Variants in LARGE1 observed in about 807,000 individuals in gnomAD.
The protein encoded by LARGE1 is LARGE xylosyl- and glucuronyltransferase 1, also known as xylosyl- and glucuronyltransferase LARGE1.
Under a neutral mutation model 87.6 loss-of-function variants are expected in LARGE1, and 43 were observed. The ratio of observed to expected loss-of-function variants is 0.49; its 90% CI spans 0.38 to 0.63. The LOEUF is 0.63. LARGE1 is among the 30% of genes least tolerant of loss of function. LARGE1 has a pLI of 0.00. For synonymous variants in LARGE1, 434 were observed against 394.6 expected (o/e 1.10, Z -1.18); for missense variants, 802 against 1,000.2 (o/e 0.80, Z 2.67).
chr22:33,224,288 GA>G (rs145839522), intron 11 of LARGE1, among the ~76,000 whole-genome samples: 14 of 150,700 alleles, frequency 9.3e-5, no homozygotes, highest in African/African-American at 2.4e-4. Context: ...AAAGAAAAAA[GA>G]AAAAAAAAGA....
intron 2 of LARGE1, chr22:33,704,880 C>T (rs944609570): frequency 6.6e-6 from 1 of 152,244 alleles, no homozygotes; most frequent in Non-Finnish European, 1.5e-5. Flanking sequence ...TGCTAGACCC[C>T]TGAGGCCACA....
At chr22:33,707,823 G>A (rs1185679147) in intron 2 of LARGE1, among the ~76,000 whole-genome samples, 1 of 152,150 alleles carries the variant, frequency 6.6e-6, no homozygotes, top group African/African-American at 2.4e-5. Context: ...CACTGTGAGG[G>A]CCCTGGGGGC....
intron 5 of LARGE1, among the ~76,000 whole-genome samples, chr22:33,575,818 T>G (rs1204309449): frequency 2.0e-5 from 3 of 152,130 alleles, no homozygotes; most frequent in Non-Finnish European, 4.4e-5. Context: ...GACACGTCCC[T>G]CCTCCTATCG....
intron 6 of LARGE1, among the ~76,000 whole-genome samples, chr22:33,561,938 C>T (rs140741636): frequency 4.2e-3 from 644 of 152,320 alleles, no homozygotes; most frequent in Non-Finnish European, 6.8e-3. Flanking sequence ...CACAGCGCCA[C>T]AAAGGAATCA....
chr22:33,223,925 G>T (rs1925583582), intron 11 of LARGE1, among the ~76,000 whole-genome samples: 1 of 152,154 alleles, frequency 6.6e-6, no homozygotes. Flanking sequence ...CCCACCATTG[G>T]TCGGCATCCT....
chr22:33,766,731 T>C (rs2084912117), intron 1 of LARGE1, among the ~76,000 whole-genome samples: 1 of 151,802 alleles, frequency 6.6e-6, no homozygotes, highest in Non-Finnish European at 1.5e-5. Flanking sequence ...GGCTGATCTG[T>C]TAAGCTACAA....
chr22:33,285,259 C>T (rs1215757626), intron 12 of LARGE1, among the ~76,000 whole-genome samples: 2 of 152,076 alleles, frequency 1.3e-5, no homozygotes, highest in Non-Finnish European at 2.9e-5. Flanking sequence ...AGCAGCCTTT[C>T]CTGGGGAAAA....
intron 1 of LARGE1, among the ~76,000 whole-genome samples, chr22:33,801,370 T>A (rs950769574): frequency 1.3e-5 from 2 of 152,210 alleles, no homozygotes. Flanking sequence ...CTCACCAGCA[T>A]CTGATATTGT....
chr22:33,749,763 A>G (rs186666949), intron 2 of LARGE1, among the ~76,000 whole-genome samples: 2 of 152,180 alleles, frequency 1.3e-5, no homozygotes, highest in African/African-American at 4.8e-5. Flanking sequence ...AGAAGTTCGC[A>G]TGTCTTCTCT....
chr22:33,586,256 C>T (rs186028462), intron 5 of LARGE1, among the ~76,000 whole-genome samples: 12 of 152,270 alleles, frequency 7.9e-5, no homozygotes, highest in Admixed American at 5.2e-4. Context: ...AAAGGGTAGG[C>T]GCTCGCATGC....
rs144838580 is a variant in LARGE1 at position 33,250,478 on chromosome 22, A to C, written c.1730+53751T>G. Among the ~76,000 whole-genome samples, 7 of 152,212 alleles carry C rather than the reference A, an allele frequency of 4.6e-5. No homozygotes were observed. In the East Asian group the frequency reaches 1.4e-3, roughly 29 times the overall value. On this transcript the variant is annotated intron_variant, in intron 11 of 11. Transcript: ENST00000608642. ...GTCATCTGTGAACAAAAACAATTTTATTTCTTCTTTCTCAATATGTGTACT... is the reference window on the plus strand; with the variant it reads ...GTCATCTGTGAACAAAAACAATTTTCTTTCTTCTTTCTCAATATGTGTACT...
At chr22:33,208,598 G>A (rs1345662213) in intron 11 of LARGE1, among the ~76,000 whole-genome samples, 1 of 151,184 alleles carries the variant, frequency 6.6e-6, no homozygotes, top group African/African-American at 2.4e-5. Flanking sequence ...TATACTTTAA[G>A]TTCTGGGGTA....
intron 6 of LARGE1, among the ~76,000 whole-genome samples, chr22:33,503,114 T>C (rs768536699): frequency 1.3e-5 from 2 of 152,166 alleles, no homozygotes; most frequent in Non-Finnish European, 2.9e-5. Flanking sequence ...GTTGCTGAAC[T>C]AGAATAAAAG....
At chr22:33,697,495 G>C (rs986891056) in intron 2 of LARGE1, among the ~76,000 whole-genome samples, 1 of 119,408 alleles carries the variant, frequency 8.4e-6, no homozygotes, top group African/African-American at 3.3e-5. Context: ...AGGAGATTGA[G>C]ACCATCCTGA....
At chr22:33,486,363 T>C (rs1177455949) in intron 6 of LARGE1, among the ~76,000 whole-genome samples, 1 of 152,216 alleles carries the variant, frequency 6.6e-6, no homozygotes, top group Non-Finnish European at 1.5e-5. Flanking sequence ...CTCCTTCCAC[T>C]GGTGCAGGAC....
intron 3 of LARGE1, among the ~76,000 whole-genome samples, chr22:33,637,254 C>T (rs574534776): frequency 6.6e-6 from 1 of 152,152 alleles, no homozygotes; most frequent in Admixed American, 6.5e-5. Context: ...GAGGCAAGAC[C>T]CTTTCATCAT....
intron 1 of LARGE1, among the ~76,000 whole-genome samples, chr22:33,805,272 C>T (rs1315868877): frequency 6.6e-6 from 1 of 152,076 alleles, no homozygotes; most frequent in African/African-American, 2.4e-5. Context: ...GCATCTCCTG[C>T]TTGAATGAAA....
At chr22:33,232,735 T>C (rs1047088133) in intron 11 of LARGE1, among the ~76,000 whole-genome samples, 8 of 152,130 alleles carry the variant, frequency 5.3e-5, no homozygotes, top group African/African-American at 1.7e-4. Context: ...CTGGGCAGCA[T>C]GGAAGCTGCA....
At chr22:33,705,383 G>A (rs549240991) in intron 2 of LARGE1, among the ~76,000 whole-genome samples, 2 of 152,296 alleles carry the variant, frequency 1.3e-5, no homozygotes, top group African/African-American at 2.4e-5. Flanking sequence ...TAAAGGATAC[G>A]CACAATTTAT....
Sources: gnomAD v4.1 joint callset for allele counts (sites outside exome capture counted in the v4.1 genomes callset) on GRCh38, gnomAD v4.1.1 for gene constraint, MANE v1.5 for transcripts, NCBI Gene and HGNC (gene_info 2026-07-23, HGNC 2026-07-21) for gene names.